Variants in ZNF536 observed in about 807,000 individuals in gnomAD.
ZNF536 encodes zinc finger protein 536.
A neutral mutation model predicts 84.5 loss-of-function variants in ZNF536; 13 were observed. The ratio of observed to expected loss-of-function variants is 0.15; its 90% CI spans 0.10 to 0.24. ZNF536 has a LOEUF of 0.24. Ranked by LOEUF, ZNF536 falls within the 10% of genes least tolerant of loss-of-function variation. The pLI is 1.00. For missense variants in ZNF536, 1,536 were observed against 1,747.5 expected (o/e 0.88, Z 2.16); for synonymous variants, 811 against 742.5 (o/e 1.09, Z -1.50).
chr19:30,407,882 C>A (rs1568399740), intron 1 of ZNF536, among the ~76,000 whole-genome samples: 1 of 152,068 alleles, frequency 6.6e-6, no homozygotes, highest in Non-Finnish European at 1.5e-5. Context: ...TTCCAATTTT[C>A]TTTTTCTCTC....
Position 30,587,619 on chromosome 19 carries a change from C to T in ZNF536, c.169+38105C>T, listed in dbSNP as rs9941486. 5.9e-3 allele frequency among the ~76,000 whole-genome samples: 905 copies of T among 152,306 alleles called. 9 individuals are homozygous for T. Among genetic ancestry groups the T allele is most frequent in the African/African-American group, 0.021 (872 of 41,566 alleles). On this transcript the variant is annotated intron_variant, in intron 1 of 1. Coordinates refer to the ZNF536 transcript ENST00000592773. Reference sequence around the variant, plus strand: ...ATCACTCATACCCTTCATTGTCAGTCGAACTATTGATCTTCAGCCTCCTAA... The same window carrying T: ...ATCACTCATACCCTTCATTGTCAGTTGAACTATTGATCTTCAGCCTCCTAA...
intron 2 of ZNF536, among the ~76,000 whole-genome samples, chr19:30,350,064 G>A (rs1045881709): frequency 6.6e-6 from 1 of 151,892 alleles, no homozygotes; most frequent in African/African-American, 2.4e-5. Context: ...TCATTAGAAA[G>A]TCTGGTGTCT....
chr19:30,559,875 G>A (rs928603515), downstream of ZNF536, among the ~76,000 whole-genome samples: 20 of 152,160 alleles, frequency 1.3e-4, no homozygotes, highest in South Asian at 2.1e-4. Context: ...AAGCATTTCC[G>A]TTTCTAAAGC....
At chr19:30,292,934 ACTT>A (rs1369568225) in intron 2 of ZNF536, among the ~76,000 whole-genome samples, 2 of 152,216 alleles carry the variant, frequency 1.3e-5, no homozygotes, top group Admixed American at 6.5e-5. Flanking sequence ...CCAATCAATA[ACTT>A]CTTCTTGCAT....
chr19:30,546,001 C>G (rs576248237), intron 3 of ZNF536, among the ~76,000 whole-genome samples: 1 of 152,222 alleles, frequency 6.6e-6, no homozygotes, highest in African/African-American at 2.4e-5. Context: ...TGCTCTCACT[C>G]GTAGGGCAGG....
chr19:30,667,331 G>C (rs1167231806), intron 1 of ZNF536, among the ~76,000 whole-genome samples: 1 of 152,200 alleles, frequency 6.6e-6, no homozygotes, highest in Non-Finnish European at 1.5e-5. Context: ...TTGCACACAG[G>C]CTTGCCTGGT....
chr19:30,696,075 A>G (rs139661049), intron 1 of ZNF536, among the ~76,000 whole-genome samples: 1,564 of 152,368 alleles, frequency 0.01, 33 homozygotes, highest in African/African-American at 0.036. Context: ...TTAAAAATAC[A>G]CAACTCTAGC....
Position 30,267,153 on chromosome 19 carries a change from T to G in ZNF536, c.-189-16919T>G, listed in dbSNP as rs1325711374. On this transcript the variant is annotated intron_variant, in intron 1 of 5. Transcript: ENST00000585628. ...GCAAGAAATATTTTTGTGAAAATTTTGACTCATCTGCTGTGCTGTTCTCTG... is the reference window on the plus strand; with the variant it reads ...GCAAGAAATATTTTTGTGAAAATTTGGACTCATCTGCTGTGCTGTTCTCTG... Among the ~76,000 whole-genome samples the G allele has an allele frequency of 3.3e-5, 5 of 152,254 alleles. 1 individual carries two copies. The highest frequency in any genetic ancestry group is 7.3e-5 in the Non-Finnish European group (5 of 68,044).
At chr19:30,606,840 T>G (rs1256157708) in intron 1 of ZNF536, among the ~76,000 whole-genome samples, 1 of 152,138 alleles carries the variant, frequency 6.6e-6, no homozygotes, top group Non-Finnish European at 1.5e-5. Context: ...GGCTACATCA[T>G]GACCTCCATC....
chr19:30,478,162 T>A (rs2053927149), intron 2 of ZNF536, among the ~76,000 whole-genome samples: 1 of 151,710 alleles, frequency 6.6e-6, no homozygotes, highest in South Asian at 2.1e-4. Flanking sequence ...GGTGTTTTTT[T>A]TTTTTTTTTT....
chr19:30,570,796 C>T (rs1599844842), intron 1 of ZNF536, among the ~76,000 whole-genome samples: 1 of 152,180 alleles, frequency 6.6e-6, no homozygotes, highest in Non-Finnish European at 1.5e-5. Flanking sequence ...CCTCAAAAAA[C>T]ATGGAGTCTC....
intron 1 of ZNF536, among the ~76,000 whole-genome samples, chr19:30,661,540 T>G (rs186594263): frequency 1.1e-4 from 16 of 152,356 alleles, no homozygotes; most frequent in Admixed American, 7.2e-4. Flanking sequence ...AGGTATAAAA[T>G]GTGTGTTCCC....
At chr19:30,568,369 A>G (rs776476653) in intron 1 of ZNF536, among the ~76,000 whole-genome samples, 7 of 152,238 alleles carry the variant, frequency 4.6e-5, no homozygotes, top group East Asian at 1.9e-4. Flanking sequence ...TGCATTTTCT[A>G]TGACATTGTT....
At position 30,548,842 on chromosome 19, in the gene ZNF536, G is replaced by A. The variant is rs753546110; in HGVS notation, c.3223G>A (p.Ala1075Thr). 1 of 1,614,022 alleles carries A rather than the reference G, an allele frequency of 6.2e-7. No individual in the cohort carries two copies. The highest frequency in any genetic ancestry group is 1.3e-5 in the African/African-American group (1 of 74,940). ...CAATATGATCAGCTCTCTAGACTCT[G>A]CTTCTGAGAAGATGGCCCAAGGTCA... ...LSNMISSLDS[A>T]SEKMAQGQLK... The change falls in exon 4 of 5, where the codon GCT (alanine) becomes ACT (threonine). Residue 1075 changes from alanine to threonine, a missense_variant. Transcript: ENST00000355537.
intron 1 of ZNF536, among the ~76,000 whole-genome samples, chr19:30,414,783 G>A (rs1477521853): frequency 6.6e-6 from 1 of 151,974 alleles, no homozygotes; most frequent in South Asian, 2.1e-4. Context: ...TATTTCCTCT[G>A]TTGTATAAAA....
At chr19:30,708,868 T>C (rs1291780789) in intron 1 of ZNF536, among the ~76,000 whole-genome samples, 1 of 152,204 alleles carries the variant, frequency 6.6e-6, no homozygotes, top group Admixed American at 6.5e-5. Flanking sequence ...ATTACTGCTT[T>C]AGAAAAAGTG....
chr19:30,368,601 C>T (rs1393202399), upstream of ZNF536, among the ~76,000 whole-genome samples: 1 of 152,216 alleles, frequency 6.6e-6, no homozygotes, highest in Non-Finnish European at 1.5e-5. Context: ...CAAGCAAAAG[C>T]AGGAATCTCT....
intron 2 of ZNF536, among the ~76,000 whole-genome samples, chr19:30,289,509 G>A (rs1028517092): frequency 2.0e-5 from 3 of 152,190 alleles, no homozygotes; most frequent in Admixed American, 1.3e-4. Flanking sequence ...GGGGGCCCCC[G>A]TGCTTTCCTG....
At chr19:30,617,526 AT>A (rs963635360) in intron 1 of ZNF536, among the ~76,000 whole-genome samples, 1 of 149,912 alleles carries the variant, frequency 6.7e-6, no homozygotes, top group African/African-American at 2.4e-5. Flanking sequence ...AATTTTTTGT[AT>A]TTTTAGTAGA....
Sources: gnomAD v4.1 joint callset for allele counts (sites outside exome capture counted in the v4.1 genomes callset) on GRCh38, gnomAD v4.1.1 for gene constraint, MANE v1.5 for transcripts, NCBI Gene and HGNC (gene_info 2026-07-23, HGNC 2026-07-21) for gene names.